CPLX2: variants seen among roughly 807,000 people sequenced by gnomAD.
The protein encoded by CPLX2 is complexin-2.
A neutral mutation model predicts 16.3 loss-of-function variants in CPLX2; 5 were observed. That is an observed-to-expected ratio of 0.31 (90% CI 0.16 to 0.64). The LOEUF is 0.64. Ranked by LOEUF, CPLX2 falls within the 30% of genes least tolerant of loss-of-function variation. The pLI, the probability that CPLX2 is intolerant of heterozygous loss-of-function variation, is 0.79. For synonymous variants in CPLX2, 89 were observed against 73.2 expected (o/e 1.22, Z -1.10); for missense variants, 144 against 181.4 (o/e 0.79, Z 1.18).
chr5:175,820,799 C>T (rs1374042319), intron 2 of CPLX2, among the ~76,000 whole-genome samples: 1 of 152,178 alleles, frequency 6.6e-6, no homozygotes, highest in South Asian at 2.1e-4. Flanking sequence ...ATGGAGTTTC[C>T]TCTGCATTGA....
intron 2 of CPLX2, among the ~76,000 whole-genome samples, chr5:175,826,951 G>A (rs1351116822): frequency 6.6e-6 from 1 of 152,232 alleles, no homozygotes; most frequent in Admixed American, 6.5e-5. Flanking sequence ...GGATCACGCA[G>A]CTCGAATGAG....
At chr5:175,825,856 C>T (rs898995259) in intron 2 of CPLX2, among the ~76,000 whole-genome samples, 4 of 145,040 alleles carry the variant, frequency 2.8e-5, no homozygotes, top group Non-Finnish European at 5.9e-5. Flanking sequence ...GGACTTGCCA[C>T]AGTTGCTCCT....
At chr5:175,878,521 G>A (rs1213733735) in intron 1 of CPLX2, 131 bp from the exon 2 acceptor site, 1 of 600,774 alleles carries the variant, frequency 1.7e-6, no homozygotes, top group African/African-American at 1.9e-5. Flanking sequence ...TCCTCCAGCA[G>A]GGCATTGGGT....
intron 2 of CPLX2, among the ~76,000 whole-genome samples, chr5:175,835,347 G>C (rs1435675543): frequency 6.6e-6 from 1 of 152,188 alleles, no homozygotes; most frequent in Non-Finnish European, 1.5e-5. Context: ...TCAAAAATCT[G>C]AATCATGCCT....
intron 2 of CPLX2, among the ~76,000 whole-genome samples, chr5:175,863,717 G>A (rs534151595): frequency 6.6e-6 from 1 of 152,160 alleles, no homozygotes; most frequent in African/African-American, 2.4e-5. Context: ...TGGAGGTTGA[G>A]TGGCCCAGAG....
intron 1 of CPLX2, among the ~76,000 whole-genome samples, chr5:175,798,840 A>G (rs1758038150): frequency 6.6e-6 from 1 of 152,194 alleles, no homozygotes. Flanking sequence ...TCACATGCGC[A>G]CACACTCACA....
rs1755582905 is a variant in CPLX2, at chr5:175,881,136, A to G, written c.*1091A>G. ...CTCAAATTATCAAAGCTTTCTGCTC[A>G]GTCAGTTGTGTGGGGATGGTGAGGG... is the stretch of plus-strand genomic sequence containing the variant. On this transcript the variant is annotated 3_prime_UTR_variant, in exon 4 of 4. Transcript: ENST00000393745. 1 of 153,100 alleles carries G rather than the reference A, an allele frequency of 6.5e-6. No individual in the cohort carries two copies. Among genetic ancestry groups the G allele is most frequent in the African/African-American group, 2.4e-5 (1 of 41,464 alleles). 9.5% of individuals were successfully genotyped at this position (153,100 alleles called of 1,614,324 possible).
At position 175,878,842 on chromosome 5, in the gene CPLX2, G is replaced by GC; in HGVS notation, c.32-62dup. On this transcript the variant is annotated intron_variant, in intron 2 of 3. Coordinates refer to ENST00000393745, the MANE Select transcript of CPLX2 (RefSeq NM_001008220.2). Reference sequence around the variant, plus strand: ...GTGGGAGGTGGCCTCGGCCCACCCGGCCCCTCTCTCCCCAGCCCTGACCCC... The same window carrying GC: ...GTGGGAGGTGGCCTCGGCCCACCCGGCCCCCTCTCTCCCCAGCCCTGACCCC... 4 of 1,607,742 alleles carry GC rather than the reference G, an allele frequency of 2.5e-6. No homozygotes were observed. The African/African-American group carries it at 4.0e-5, about 16-fold the overall frequency.
At position 175,879,096 on chromosome 5, in the gene CPLX2, C is replaced by T. The variant is rs1172949053; in HGVS notation, c.207+13C>T. On this transcript the variant is annotated intron_variant, in intron 3 of 3. Coordinates refer to ENST00000393745, the MANE Select transcript of CPLX2 (RefSeq NM_001008220.2). ...GATCCGAGATAAGGTCAGCTCCGCC[C>T]GCCCGCCCGTCCTGGGGAGGGCCAC... is the stretch of plus-strand genomic sequence containing the variant. 1.3e-6 allele frequency: 2 copies of T among 1,554,498 alleles called. No individual in the cohort carries two copies. Among genetic ancestry groups the T allele is most frequent in the South Asian group, 1.2e-5 (1 of 84,278 alleles).
chr5:175,848,602 C>T (rs777683934), intron 2 of CPLX2, among the ~76,000 whole-genome samples: 2 of 152,172 alleles, frequency 1.3e-5, no homozygotes, highest in Non-Finnish European at 2.9e-5. Context: ...GAGGGTCCTA[C>T]TCCTAGAGAA....
intron 2 of CPLX2, among the ~76,000 whole-genome samples, chr5:175,813,705 G>A (rs1337876541): frequency 6.6e-6 from 1 of 152,228 alleles, no homozygotes; most frequent in Admixed American, 6.5e-5. Context: ...CAGACCATCG[G>A]GGATCCATGA....
intron 2 of CPLX2, among the ~76,000 whole-genome samples, chr5:175,856,098 C>A (rs539804015): frequency 6.6e-6 from 1 of 152,192 alleles, no homozygotes; most frequent in African/African-American, 2.4e-5. Context: ...TTGGACTAAA[C>A]AGCCTAGAAG....
chr5:175,812,509 A>G (rs913635385), intron 2 of CPLX2, among the ~76,000 whole-genome samples: 8 of 152,250 alleles, frequency 5.3e-5, no homozygotes, highest in Non-Finnish European at 1.2e-4. Context: ...AGTAAGATTT[A>G]GAAAGCCAGT....
upstream of CPLX2, chr5:175,871,456 A>AGAGAGAGAGG (rs1759606802): frequency 8.1e-6 from 1 of 122,758 alleles, no homozygotes; most frequent in African/African-American, 3.1e-5. Context: ...AGAGAGAGAG[A>AGAGAGAGAGG]GAGAGAGAGA....
At chr5:175,875,752 G>C (rs1759742298) in intron 1 of CPLX2, among the ~76,000 whole-genome samples, 1 of 152,094 alleles carries the variant, frequency 6.6e-6, no homozygotes, top group Non-Finnish European at 1.5e-5. Flanking sequence ...TGTAGACAGA[G>C]TGAACAGGAG....
intron 2 of CPLX2, among the ~76,000 whole-genome samples, chr5:175,856,692 C>A (rs761049294): frequency 1.3e-4 from 20 of 152,078 alleles, no homozygotes; most frequent in Middle Eastern, 3.2e-3. Context: ...TCCTCATCTA[C>A]AGACAGAGAT....
chr5:175,875,522 C>A (rs1040399137), intron 1 of CPLX2, among the ~76,000 whole-genome samples: 67 of 152,164 alleles, frequency 4.4e-4, no homozygotes, highest in African/African-American at 1.6e-3. Context: ...CATTATAATT[C>A]TCATTTTATA....
intron 1 of CPLX2, among the ~76,000 whole-genome samples, chr5:175,876,617 T>C (rs1055586319): frequency 6.6e-6 from 1 of 152,190 alleles, no homozygotes; most frequent in African/African-American, 2.4e-5. Context: ...GAAGATCATC[T>C]GATCCAGGAG....
At chr5:175,879,660 T>C in intron 3 of CPLX2, 188 bp from the exon 4 acceptor site, 1 of 706,200 alleles carries the variant, frequency 1.4e-6, no homozygotes, top group Non-Finnish European at 2.6e-6. Context: ...ACCCCACGTA[T>C]GGTCTCTCCC....
Sources: gnomAD v4.1 joint callset for allele counts (sites outside exome capture counted in the v4.1 genomes callset) on GRCh38, gnomAD v4.1.1 for gene constraint, MANE v1.5 for transcripts, NCBI Gene and HGNC (gene_info 2026-07-23, HGNC 2026-07-21) for gene names.